MLKL: variants seen among roughly 807,000 people sequenced by gnomAD.
MLKL encodes the protein mixed lineage kinase domain like pseudokinase.
MLKL carries 55 observed loss-of-function variants against 56.5 expected under a neutral mutation model. The ratio of observed to expected loss-of-function variants is 0.97; its 90% CI spans 0.78 to 1.22. The LOEUF is 1.22. Among genes scored for constraint, MLKL ranks in the 50% most tolerant of loss-of-function variants. The pLI is 0.00. For synonymous variants in MLKL, 251 were observed against 208.3 expected, an observed-to-expected ratio of 1.20 and a Z score of -1.76; for missense variants, 694 against 573.9, an observed-to-expected ratio of 1.21 and a Z score of -2.14.
At position 74,695,523 on chromosome 16, in the gene MLKL, A is replaced by ACTTTTCTATCTCCC; in HGVS notation, c.221_234dup (p.Phe79GlyfsTer3). On this transcript the variant is annotated stop_gained and frameshift_variant, in exon 2 of 11. Coordinates refer to ENST00000308807, the MANE Select transcript of MLKL (RefSeq NM_152649.4). LOFTEE classifies it high-confidence loss of function. Reference sequence around the variant, plus strand: ...CTGCAGATATTGGATCTATTGCTGAACTTTTCTATCTCCCCATTAGCCTCC... The same window carrying ACTTTTCTATCTCCC: ...CTGCAGATATTGGATCTATTGCTGAACTTTTCTATCTCCCCTTTTCTATCTCCCCATTAGCCTCC... 1 of 1,614,154 alleles carries ACTTTTCTATCTCCC rather than the reference A, an allele frequency of 6.2e-7. No individual in the cohort carries two copies. The highest frequency in any genetic ancestry group is 8.5e-7 in the Non-Finnish European group (1 of 1,180,032).
chr16:74,691,055 T>TG (rs894765705), intron 4 of MLKL, among the ~76,000 whole-genome samples: 6 of 148,580 alleles, frequency 4.0e-5, no homozygotes, highest in African/African-American at 1.5e-4. Context: ...GGAAAGTTGT[T>TG]TTTTTTTTTT....
intron 4 of MLKL, 39 bp from the exon 5 acceptor site, chr16:74,685,622 G>T: frequency 6.5e-7 from 1 of 1,535,156 alleles, no homozygotes; most frequent in Non-Finnish European, 9.0e-7. Context: ...TTTCAGAACT[G>T]GAAGGTTCCT....
chr16:74,682,608 A>C (rs369868244), intron 6 of MLKL, 43 bp downstream of exon 6: 1 of 1,609,406 alleles, frequency 6.2e-7, no homozygotes, highest in African/African-American at 1.3e-5. Flanking sequence ...GAGTGTGGAC[A>C]GACCCATCCA....
At chr16:74,698,650 T>A (rs1567623752) in intron 1 of MLKL, among the ~76,000 whole-genome samples, 1 of 152,212 alleles carries the variant, frequency 6.6e-6, no homozygotes, top group African/African-American at 2.4e-5. Context: ...GTTCAAGGAA[T>A]CTTGCAAATT....
chr16:74,691,320 C>T lies in MLKL; in HGVS notation c.679G>A (p.Val227Met). 6.2e-7 allele frequency: 1 copy of T among 1,613,274 alleles called. No homozygotes were observed. The change falls in exon 4 of 11, where the codon GTG becomes ATG. Residue 227 changes from valine (V) to methionine (M), a missense_variant. By Grantham distance (21) the Val-to-Met change is conservative (BLOSUM62 1). Coordinates refer to ENST00000308807, the MANE Select transcript of MLKL (RefSeq NM_152649.4). ...AGTTTTTTGAATACTTTTATGGCCA[C>T]TGGAGCTCTGTGGTATTCTCCTTTA... is the stretch of plus-strand genomic sequence containing the variant. ...LYKGEYHRAP[V>M]AIKVFKKLQA...
At position 74,688,443 on chromosome 16, in the gene MLKL, G is replaced by A. The variant is rs551253968; in HGVS notation, c.722+2834C>T. Among the ~76,000 whole-genome samples the A allele has an allele frequency of 6.6e-5, 10 of 152,306 alleles. No individual in the cohort carries two copies. The East Asian group carries it at 1.5e-3, about 24-fold the overall frequency. ...AGAAAACACAGGAGGGCCAGGTGCAGTGGCTCAAGCCTGTAATCCCAGCAG... is the reference window on the plus strand; with the variant it reads ...AGAAAACACAGGAGGGCCAGGTGCAATGGCTCAAGCCTGTAATCCCAGCAG... On this transcript the variant is annotated intron_variant, in intron 4 of 10. Coordinates refer to ENST00000308807, the MANE Select transcript of MLKL (RefSeq NM_152649.4).
At position 74,678,830 on chromosome 16, in the gene MLKL, C is replaced by T. The variant is rs1959765125; in HGVS notation, c.1038+69G>A. On this transcript the variant is annotated intron_variant, in intron 7 of 10. Transcript: ENST00000308807. Reference sequence around the variant, plus strand: ...AGACAAGAATCAAGCCTTTCTGAGACACTCGTGCCCCTCTCATAGCACCAG... The same window carrying T: ...AGACAAGAATCAAGCCTTTCTGAGATACTCGTGCCCCTCTCATAGCACCAG... The T allele has an allele frequency of 3.7e-6, 4 of 1,068,280 alleles. No homozygotes were observed. The South Asian group carries it at 3.8e-5, about 10-fold the overall frequency. 66.2% of individuals were successfully genotyped at this position (1,068,280 alleles called of 1,614,324 possible). A position where few individuals can be genotyped will look rare whatever the true frequency, so the allele number is the denominator to read the frequency against.
At chr16:74,688,617 G>C (rs1317197731) in intron 4 of MLKL, among the ~76,000 whole-genome samples, 1 of 152,078 alleles carries the variant, frequency 6.6e-6, no homozygotes, top group African/African-American at 2.4e-5. Flanking sequence ...GGGAGGCTGA[G>C]GCATGAGAAT....
chr16:74,682,703 T>C lies in MLKL; in HGVS notation c.904A>G (p.Thr302Ala). The C allele has an allele frequency of 6.2e-7, 1 of 1,614,068 alleles. No individual in the cohort carries two copies. The highest frequency in any genetic ancestry group is 8.5e-7 in the Non-Finnish European group (1 of 1,180,012). ...ACTAGGACCATGCGCTTGCCAAGTGTGAGGTCTTTTTCCCTATCCAACAGC... is the reference window on the plus strand; with the variant it reads ...ACTAGGACCATGCGCTTGCCAAGTGCGAGGTCTTTTTCCCTATCCAACAGC... Reference protein sequence around the residue: ...RELLDREKDLTLGKRMVLVLG... With the variant: ...RELLDREKDLALGKRMVLVLG... Residue 302 changes from threonine to alanine, a missense_variant, in exon 6 of 11, where the codon ACA becomes GCA. Coordinates refer to ENST00000308807, the MANE Select transcript of MLKL (RefSeq NM_152649.4).
At chr16:74,695,258 T>C in intron 2 of MLKL, 40 bp downstream of exon 2, 1 of 1,584,648 alleles carries the variant, frequency 6.3e-7, no homozygotes, top group Non-Finnish European at 8.6e-7. Context: ...CTAAAATGCA[T>C]TCAACTGCAC....
At chr16:74,675,868 C>T in intron 7 of MLKL, 104 bp from the exon 8 acceptor site, 2 of 1,251,408 alleles carry the variant, frequency 1.6e-6, no homozygotes, top group South Asian at 1.4e-5. Context: ...TGTCTTTTAC[C>T]TTAGGGATTT....
At chr16:74,696,119 G>T (rs1314720883) in intron 1 of MLKL, among the ~76,000 whole-genome samples, 1 of 152,226 alleles carries the variant, frequency 6.6e-6, no homozygotes, top group Non-Finnish European at 1.5e-5. Context: ...CTGGATGCGT[G>T]GGGTGAAGCG....
chr16:74,693,209 C>T (rs898547997), intron 2 of MLKL, among the ~76,000 whole-genome samples: 5 of 151,944 alleles, frequency 3.3e-5, no homozygotes, highest in African/African-American at 7.3e-5. Context: ...AATCCTAGCA[C>T]TTTGGGAGGC....
intron 6 of MLKL, among the ~76,000 whole-genome samples, chr16:74,680,211 G>T (rs1334035348): frequency 6.6e-6 from 1 of 152,130 alleles, no homozygotes; most frequent in Non-Finnish European, 1.5e-5. Context: ...GAGGGGGATG[G>T]GTAAATAGAG....
chr16:74,682,913 T>A, intron 5 of MLKL, 127 bp from the exon 6 acceptor site: 3 of 1,133,542 alleles, frequency 2.6e-6, no homozygotes, highest in Non-Finnish European at 2.5e-6. Flanking sequence ...TCTCCCCCAA[T>A]CCTCAGCCCA....
In MLKL at chr16:74,692,338, T is replaced by G. The variant is rs1412220991; in HGVS notation, c.535+4A>C. Reference sequence around the variant, plus strand: ...CAGAAACAGCAGGGCACATGATAACTTACACTGCCTCAAAGTTTCCTTGAT... The same window carrying G: ...CAGAAACAGCAGGGCACATGATAACGTACACTGCCTCAAAGTTTCCTTGAT... On this transcript the variant is annotated splice_donor_region_variant and intron_variant, in intron 3 of 10. Transcript: ENST00000308807. The G allele has an allele frequency of 6.2e-7, 1 of 1,613,008 alleles. No homozygotes were observed. The highest frequency in any genetic ancestry group is 8.5e-7 in the Non-Finnish European group (1 of 1,179,530).
chr16:74,695,506 A>T lies in MLKL; in HGVS notation c.252T>A (p.Asn84Lys), dbSNP rs1960974249. Reference protein sequence around the residue: ...GEIEKFSNRSNICRFLTASQD... With the variant: ...GEIEKFSNRSKICRFLTASQD... ...GGCTTGCTGTTAGAAACCTGCAGAT[A>T]TTGGATCTATTGCTGAACTTTTCTA... Residue 84 changes from asparagine to lysine, a missense_variant, in exon 2 of 11, where the codon AAT becomes AAA. Physicochemically the swap from Asn to Lys is moderately conservative, Grantham distance 94. Transcript: ENST00000308807. The T allele has an allele frequency of 6.2e-7, 1 of 1,613,972 alleles. No homozygotes were observed. The highest frequency in any genetic ancestry group is 8.5e-7 in the Non-Finnish European group (1 of 1,180,044).
intron 6 of MLKL, among the ~76,000 whole-genome samples, chr16:74,682,043 C>T (rs1597489374): frequency 1.3e-5 from 2 of 151,662 alleles, no homozygotes; most frequent in East Asian, 1.9e-4. Flanking sequence ...CCCAGTAGTT[C>T]GAGACCAGCC....
intron 4 of MLKL, among the ~76,000 whole-genome samples, chr16:74,690,859 C>G (rs749751340): frequency 2.0e-5 from 3 of 148,016 alleles, no homozygotes; most frequent in Non-Finnish European, 4.4e-5. Flanking sequence ...ATTAAGGAGT[C>G]CAGATATGGA....
Sources: allele counts gnomAD v4.1 joint callset (sites outside exome capture counted in the v4.1 genomes callset), GRCh38; gene constraint gnomAD v4.1.1; transcripts MANE v1.5; gene names NCBI Gene and HGNC (gene_info 2026-07-23, HGNC 2026-07-21).